The following ABAT variants were observed in gnomAD, a reference collection of about 807,000 sequenced individuals.
ABAT encodes the protein 4-aminobutyrate aminotransferase.
Under a neutral mutation model 64.6 loss-of-function variants are expected in ABAT, and 45 were observed. That is an observed-to-expected ratio of 0.70 (90% CI 0.55 to 0.89). ABAT has a LOEUF of 0.89. Among genes scored for constraint, ABAT ranks in the 40% least tolerant of loss-of-function variants. ABAT has a pLI of 0.00. For missense variants in ABAT, 633 were observed against 658.4 expected, an observed-to-expected ratio of 0.96 and a Z score of 0.42; for synonymous variants, 297 against 250.5, an observed-to-expected ratio of 1.19 and a Z score of -1.75.
chr16:8,733,290 T>C (rs1461103676), intron 1 of ABAT, among the ~76,000 whole-genome samples: 104 of 142,608 alleles, frequency 7.3e-4, no homozygotes, highest in East Asian at 2.1e-3. Context: ...CGGGAAGAGG[T>C]GGTCCTCACT....
At chr16:8,745,941 G>C in intron 2 of ABAT, 60 bp from the exon 3 acceptor site, 3 of 1,530,780 alleles carry the variant, frequency 2.0e-6, no homozygotes, top group East Asian at 4.5e-5. Context: ...ATCTGTCAGG[G>C]CAGAATCCTC....
intron 2 of ABAT, chr16:8,736,094 G>A: frequency 2.2e-6 from 1 of 455,418 alleles, no homozygotes; most frequent in East Asian, 4.3e-5. Flanking sequence ...GTCTTACATG[G>A]CTACAGGCAA....
At chr16:8,697,580 T>C (rs2057730694) in intron 1 of ABAT, among the ~76,000 whole-genome samples, 2 of 152,142 alleles carry the variant, frequency 1.3e-5, no homozygotes, top group South Asian at 4.1e-4. Context: ...ATGTATGAAT[T>C]TGAAACTCCC....
chr16:8,684,172 C>G (rs2057398650), intron 1 of ABAT, among the ~76,000 whole-genome samples: 1 of 152,066 alleles, frequency 6.6e-6, no homozygotes, highest in Non-Finnish European at 1.5e-5. Context: ...GAAGAAATTT[C>G]AGGAGGAAAA....
intron 1 of ABAT, among the ~76,000 whole-genome samples, chr16:8,695,935 T>C (rs1038856795): frequency 6.6e-6 from 1 of 152,168 alleles, no homozygotes; most frequent in East Asian, 1.9e-4. Context: ...TCTGAGCTGA[T>C]TGGGTCTAAA....
At chr16:8,736,545 A>T (rs2058943592) in intron 2 of ABAT, 1 of 152,392 alleles carries the variant, frequency 6.6e-6, no homozygotes, top group Non-Finnish European at 1.5e-5. Flanking sequence ...AGCGACTCTG[A>T]AATTGACCTA....
intron 1 of ABAT, among the ~76,000 whole-genome samples, chr16:8,730,604 G>A (rs1233783870): frequency 6.6e-6 from 1 of 152,138 alleles, no homozygotes; most frequent in East Asian, 1.9e-4. Context: ...CCTATATGCT[G>A]TCATCACAGA....
chr16:8,694,813 C>T (rs982817991), intron 1 of ABAT, among the ~76,000 whole-genome samples: 1 of 152,216 alleles, frequency 6.6e-6, no homozygotes, highest in Admixed American at 6.5e-5. Flanking sequence ...CCTGGAGTAA[C>T]TTTAGGTGTC....
At chr16:8,695,793 G>T (rs2141996522) in intron 1 of ABAT, among the ~76,000 whole-genome samples, 1 of 152,338 alleles carries the variant, frequency 6.6e-6, no homozygotes, top group East Asian at 1.9e-4. Flanking sequence ...GCAGTTTTCA[G>T]TGGAAACTGA....
chr16:8,763,107 A>C (rs1480997407), intron 6 of ABAT, among the ~76,000 whole-genome samples: 5 of 145,860 alleles, frequency 3.4e-5, no homozygotes, highest in Non-Finnish European at 7.6e-5. Flanking sequence ...CCTGTAACAA[A>C]AAAAAAAAAA....
At chr16:8,770,096 C>T (rs754734307) in intron 11 of ABAT, among the ~76,000 whole-genome samples, 1 of 152,136 alleles carries the variant, frequency 6.6e-6, no homozygotes, top group East Asian at 1.9e-4. Context: ...TTCATTTTTA[C>T]ACCCTGCCTG....
intron 9 of ABAT, 93 bp downstream of exon 9, chr16:8,766,363 G>A (rs1341001030): frequency 7.8e-7 from 1 of 1,289,126 alleles, no homozygotes; most frequent in East Asian, 2.4e-5. Flanking sequence ...TCCTCAATTA[G>A]GAAGGGCCAG....
intron 1 of ABAT, among the ~76,000 whole-genome samples, chr16:8,682,290 G>A (rs1051557170): frequency 6.6e-6 from 1 of 151,742 alleles, no homozygotes; most frequent in African/African-American, 2.4e-5. Context: ...TGGATGCATG[G>A]ATGGACAGAC....
At chr16:8,772,949 C>T (rs2060157121) in intron 12 of ABAT, 32 bp downstream of exon 12, 1 of 1,612,208 alleles carries the variant, frequency 6.2e-7, no homozygotes, top group Non-Finnish European at 8.5e-7. Context: ...TGGATGGAGC[C>T]ATTGGGTTTT....
intron 6 of ABAT, among the ~76,000 whole-genome samples, chr16:8,760,658 C>T (rs1331854261): frequency 3.9e-5 from 6 of 152,140 alleles, no homozygotes; most frequent in African/African-American, 9.7e-5. Context: ...AAATGTTGTG[C>T]GAATCCCAGA....
At chr16:8,738,458 C>T (rs1207607481) in intron 2 of ABAT, 7 of 455,942 alleles carry the variant, frequency 1.5e-5, no homozygotes, top group South Asian at 1.1e-4. Context: ...AATCCAGGTA[C>T]ACACATTGCA....
chr16:8,712,004 T>TC lies in ABAT; in HGVS notation c.-41-23694dup, dbSNP rs1311582658. 6.6e-4 allele frequency among the ~76,000 whole-genome samples: 44 copies of TC among 66,746 alleles called. No homozygotes were observed. In the East Asian group the frequency reaches 0.038, roughly 58 times the overall value. The allele number at this position is 66,746 out of a possible 152,430, so 43.8% of individuals were successfully genotyped here. On this transcript the variant is annotated intron_variant, in intron 1 of 15. Coordinates refer to ENST00000268251, the MANE Select transcript of ABAT (RefSeq NM_020686.6). ...CCTGTAATCCTAGCACTTTGGGAGG[T>TC]CGGGGGGGAGGGGCAGATCACTTGA...
chr16:8,757,907 A>G, intron 6 of ABAT, 101 bp downstream of exon 6: 1 of 1,317,204 alleles, frequency 7.6e-7, no homozygotes, highest in Non-Finnish European at 1.1e-6. Flanking sequence ...TCATTCATTC[A>G]TTCCATAAAT....
chr16:8,749,911 C>G (rs942407386), intron 4 of ABAT, among the ~76,000 whole-genome samples: 2 of 151,928 alleles, frequency 1.3e-5, no homozygotes, highest in African/African-American at 2.4e-5. Context: ...TACAGGGTTT[C>G]ACCATGTTGC....
Sources: allele counts gnomAD v4.1 joint callset (sites outside exome capture counted in the v4.1 genomes callset), GRCh38; gene constraint gnomAD v4.1.1; transcripts MANE v1.5; gene names NCBI Gene and HGNC (gene_info 2026-07-23, HGNC 2026-07-21).